The following ESRRG variants were observed in gnomAD, a reference collection of about 807,000 sequenced individuals.
ESRRG encodes estrogen related receptor gamma.
Under a neutral mutation model 44.0 loss-of-function variants are expected in ESRRG, and 13 were observed. The observed-to-expected ratio is 0.30, with a 90% CI of 0.19 to 0.47. ESRRG has a LOEUF of 0.47. Among genes scored for constraint, ESRRG ranks in the 20% least tolerant of loss-of-function variants. The pLI is 1.00. For synonymous variants in ESRRG, 215 were observed against 214.6 expected (o/e 1.00, Z -0.02); for missense variants, 395 against 580.6 (o/e 0.68, Z 3.29).
At chr1:216,669,620 T>C (rs10863264) in intron 2 of ESRRG, among the ~76,000 whole-genome samples, 75,817 of 152,168 alleles carry the variant, frequency 0.5, 19,277 homozygotes, top group South Asian at 0.62. Context: ...GCGCGGTGGC[T>C]CATGCCTGTG....
At chr1:217,033,347 CTG>C (rs1478832414) in intron 1 of ESRRG, among the ~76,000 whole-genome samples, 1 of 152,186 alleles carries the variant, frequency 6.6e-6, no homozygotes, top group Non-Finnish European at 1.5e-5. Context: ...CTCTCCACCC[CTG>C]TGAGTTCATA....
intron 2 of ESRRG, among the ~76,000 whole-genome samples, chr1:216,817,182 C>G (rs1007597335): frequency 1.7e-4 from 26 of 152,118 alleles, no homozygotes; most frequent in Admixed American, 5.2e-4. Flanking sequence ...GTGAAAAGAC[C>G]CTAGGAAATG....
chr1:217,086,372 C>A (rs1487699885), intron 1 of ESRRG, among the ~76,000 whole-genome samples: 1 of 152,168 alleles, frequency 6.6e-6, no homozygotes, highest in Non-Finnish European at 1.5e-5. Context: ...CCATAACATG[C>A]TTTTTCCTCT....
At chr1:217,096,582 C>T (rs1159650679) in intron 1 of ESRRG, among the ~76,000 whole-genome samples, 1 of 152,122 alleles carries the variant, frequency 6.6e-6, no homozygotes, top group Admixed American at 6.5e-5. Context: ...CTGGTGTTTA[C>T]GAGTCGCCAA....
chr1:216,521,940 G>C (rs2046204471), intron 5 of ESRRG, among the ~76,000 whole-genome samples: 1 of 152,118 alleles, frequency 6.6e-6, no homozygotes, highest in African/African-American at 2.4e-5. Flanking sequence ...TGATGATGGA[G>C]AAGGCACGCT....
chr1:216,857,354 C>A (rs2095963954), intron 2 of ESRRG, among the ~76,000 whole-genome samples: 1 of 150,362 alleles, frequency 6.7e-6, no homozygotes, highest in Non-Finnish European at 1.5e-5. Flanking sequence ...CCCTTAACCA[C>A]CCTTTGGGAA....
intron 1 of ESRRG, among the ~76,000 whole-genome samples, chr1:216,983,031 GTTTTTT>G (rs9308379): frequency 2.3e-5 from 3 of 133,026 alleles, no homozygotes; most frequent in Non-Finnish European, 4.8e-5. Context: ...ACTTTGAACT[GTTTTTT>G]TTTTTTTTTT....
chr1:216,602,728 A>G (rs1050632056), intron 3 of ESRRG, among the ~76,000 whole-genome samples: 5 of 152,248 alleles, frequency 3.3e-5, no homozygotes, highest in Admixed American at 2.6e-4. Context: ...ATAATGATAC[A>G]ATGAATTGCC....
intron 2 of ESRRG, among the ~76,000 whole-genome samples, chr1:216,846,245 C>G (rs1159239670): frequency 1.3e-5 from 2 of 152,082 alleles, no homozygotes; most frequent in Non-Finnish European, 2.9e-5. Flanking sequence ...TTTACGTATT[C>G]TTGATCACCA....
At chr1:216,812,227 T>C (rs983318504) in intron 2 of ESRRG, among the ~76,000 whole-genome samples, 18 of 152,350 alleles carry the variant, frequency 1.2e-4, no homozygotes, top group African/African-American at 4.1e-4. Context: ...AAGTAAATCC[T>C]TGATTTTTTT....
At chr1:217,105,197 T>C (rs1439670438) in intron 1 of ESRRG, among the ~76,000 whole-genome samples, 1 of 152,192 alleles carries the variant, frequency 6.6e-6, no homozygotes, top group Non-Finnish European at 1.5e-5. Context: ...ACTGGTATCC[T>C]AACTTCAATA....
intron 1 of ESRRG, among the ~76,000 whole-genome samples, chr1:217,056,361 C>T (rs923463379): frequency 1.1e-4 from 16 of 152,008 alleles, no homozygotes; most frequent in Admixed American, 1.3e-4. Flanking sequence ...TTTTATAGGT[C>T]ACCATATATT....
intron 1 of ESRRG, among the ~76,000 whole-genome samples, chr1:216,969,870 G>C (rs1034993944): frequency 2.6e-5 from 4 of 152,174 alleles, no homozygotes; most frequent in African/African-American, 9.7e-5. Flanking sequence ...ACAGGCATGA[G>C]CCACGGTGCC....
chr1:216,734,507 T>C (rs1337501423), intron 2 of ESRRG, among the ~76,000 whole-genome samples: 2 of 152,068 alleles, frequency 1.3e-5, no homozygotes, highest in Non-Finnish European at 2.9e-5. Context: ...CCCCTCTCTT[T>C]TGCTCCCTAT....
At chr1:216,869,497 A>ATTC (rs1168336675) in intron 2 of ESRRG, among the ~76,000 whole-genome samples, 1 of 152,120 alleles carries the variant, frequency 6.6e-6, no homozygotes, top group East Asian at 1.9e-4. Flanking sequence ...CTTTAAGTTT[A>ATTC]TTCTTTTTCA....
intron 3 of ESRRG, among the ~76,000 whole-genome samples, chr1:216,592,940 T>C (rs530988535): frequency 6.6e-6 from 1 of 152,342 alleles, no homozygotes; most frequent in South Asian, 2.1e-4. Flanking sequence ...TATTACTATG[T>C]TTCTCATTTT....
intron 2 of ESRRG, among the ~76,000 whole-genome samples, chr1:216,920,422 G>A (rs1184862354): frequency 1.0e-4 from 5 of 49,982 alleles, no homozygotes; most frequent in Admixed American, 1.9e-4. Context: ...GTGTGTGTGC[G>A]CATATTTTTC....
intron 3 of ESRRG, among the ~76,000 whole-genome samples, chr1:216,614,701 G>T (rs1464061178): frequency 1.3e-5 from 2 of 152,204 alleles, no homozygotes; most frequent in Non-Finnish European, 2.9e-5. Context: ...TCTTGAAAGA[G>T]TTGGTTCTAA....
rs544286936 is a variant in ESRRG, at chr1:216,668,795, T to C, written c.472+8281A>G. ...GTGTAGTTCAAACAGGCTTGAAATA[T>C]CCAAACAGAGAAAAGAGACTAGAAA... On this transcript the variant is annotated intron_variant, in intron 2 of 6. Transcript: ENST00000408911. 1.4e-3 allele frequency among the ~76,000 whole-genome samples: 218 copies of C among 152,182 alleles called. 2 individuals carry two copies. The highest frequency in any genetic ancestry group is 4.1e-3 in the Admixed American group (63 of 15,268).
Sources: allele counts gnomAD v4.1 joint callset (sites outside exome capture counted in the v4.1 genomes callset), GRCh38; gene constraint gnomAD v4.1.1; transcripts MANE v1.5; gene names NCBI Gene and HGNC (gene_info 2026-07-23, HGNC 2026-07-21).